Variants in SP2 observed in about 807,000 individuals in gnomAD.
SP2 encodes Sp2 transcription factor.
SP2 carries 9 observed loss-of-function variants against 50.1 expected under a neutral mutation model. That is an observed-to-expected ratio of 0.18 (90% CI 0.11 to 0.31). The LOEUF (loss-of-function observed/expected upper bound fraction) is 0.31. Ranked by LOEUF, SP2 falls within the 10% of genes least tolerant of loss-of-function variation. The pLI is 1.00. For missense variants in SP2, 581 were observed against 806.5 expected, an observed-to-expected ratio of 0.72 and a Z score of 3.39; for synonymous variants, 313 against 326.6, an observed-to-expected ratio of 0.96 and a Z score of 0.45.
intron 4 of SP2, among the ~76,000 whole-genome samples, chr17:47,923,706 C>A (rs988887356): frequency 6.6e-6 from 1 of 152,094 alleles, no homozygotes; most frequent in Non-Finnish European, 1.5e-5. Flanking sequence ...AAAAATGGCT[C>A]CTTATGTAGG....
chr17:47,921,762 A>G (rs1206777291), intron 3 of SP2, among the ~76,000 whole-genome samples: 3 of 152,142 alleles, frequency 2.0e-5, no homozygotes, highest in African/African-American at 7.2e-5. Flanking sequence ...CTATTTCTCC[A>G]AGGAGCCTGG....
intron 1 of SP2, among the ~76,000 whole-genome samples, chr17:47,911,703 G>A (rs1164130910): frequency 6.6e-6 from 1 of 151,932 alleles, no homozygotes; most frequent in Non-Finnish European, 1.5e-5. Context: ...TACTTGGGAG[G>A]CTGAGGCAGG....
At chr17:47,918,787 A>C (rs1282738589) in intron 3 of SP2, among the ~76,000 whole-genome samples, 1 of 152,170 alleles carries the variant, frequency 6.6e-6, no homozygotes, top group Non-Finnish European at 1.5e-5. Flanking sequence ...TCTATATTAG[A>C]GGTTTGCAGT....
At chr17:47,899,707 G>C (rs2034464902) in intron 1 of SP2, 1 of 152,266 alleles carries the variant, frequency 6.6e-6, no homozygotes, top group Non-Finnish European at 1.5e-5. Flanking sequence ...GGCTTCCACT[G>C]CGTGTCTAGG....
chr17:47,917,125 A>G lies in SP2; in HGVS notation c.1054A>G (p.Thr352Ala), dbSNP rs1222332300. Reference sequence around the variant, plus strand: ...GATCCAGGCAGCTGAGCCGACACCTACTCAGGTACCACACTCCCTGTACTG... The same window carrying G: ...GATCCAGGCAGCTGAGCCGACACCTGCTCAGGTACCACACTCCCTGTACTG... ...FQIQAAEPTP[T>A]QVYIRTPSGE... Residue 352 changes from threonine to alanine, a missense_variant, in exon 3 of 7, where the codon ACT (threonine) becomes GCT (alanine). Physicochemically the swap from Thr to Ala is moderately conservative, Grantham distance 58. Transcript: ENST00000376741. 3 of 1,606,464 alleles carry G rather than the reference A, an allele frequency of 1.9e-6. No homozygotes were observed. The East Asian group carries it at 6.7e-5, about 36-fold the overall frequency.
At chr17:47,903,029 T>C (rs1359304217) in intron 1 of SP2, among the ~76,000 whole-genome samples, 1 of 152,196 alleles carries the variant, frequency 6.6e-6, no homozygotes, top group Admixed American at 6.5e-5. Flanking sequence ...GTGCTGGGAT[T>C]ACAGGCGTGA....
intron 3 of SP2, among the ~76,000 whole-genome samples, chr17:47,920,901 CACCCCAAAAAGAAACTCTCT>C (rs1290589749): frequency 1.3e-5 from 2 of 152,136 alleles, no homozygotes; most frequent in Non-Finnish European, 2.9e-5. Flanking sequence ...ACATTTTCAT[CACCCCAAAAAGAAACTCTCT>C]ACCCTTTAGC....
chr17:47,916,920 C>T lies in SP2; in HGVS notation c.849C>T (p.Asn283=). 2 of 1,614,160 alleles carry T rather than the reference C, an allele frequency of 1.2e-6. No individual in the cohort carries two copies. The highest frequency in any genetic ancestry group is 8.5e-7 in the Non-Finnish European group (1 of 1,180,000). Residue 283 remains asparagine, a synonymous_variant, in exon 3 of 7, where the codon AAC becomes AAT. Transcript: ENST00000376741. The surrounding 1 kb of genome is among the most constrained non-coding windows in gnomAD (Gnocchi z 4.7). ...ACAACATCATCCAGGCAGGAAATAA[C>T]CTGCTCATTGTTCAGAGCCCTGGTG... ...TADNIIQAGN[N]LLIVQSPGGG...
rs1389644248 is a variant in SP2, at chr17:47,916,582, C to A, written c.511C>A (p.Pro171Thr). 4 of 1,614,196 alleles carry A rather than the reference C, an allele frequency of 2.5e-6. No individual in the cohort carries two copies. The East Asian group carries it at 6.7e-5, about 27-fold the overall frequency. The change falls in exon 3 of 7, where the codon CCG becomes ACG. Residue 171 changes from proline (P) to threonine (T), a missense_variant. This residue lies in a region of SP2 where 397 missense variants were observed against 491.0 expected (regional missense o/e 0.81). Coordinates refer to ENST00000376741, the MANE Select transcript of SP2 (RefSeq NM_003110.6). The surrounding 1 kb of genome is among the most constrained non-coding windows in gnomAD (Gnocchi z 4.7). The stretch of plus-strand genomic sequence containing the variant: ...CAACCAAGCCATCATCACCCCCTCA[C>A]CGTCCAGTCACAAGCCTGTCCCCAT... Reference protein sequence around the residue: ...GTNQAIITPSPSSHKPVPIKP... With the variant: ...GTNQAIITPSTSSHKPVPIKP...
intron 3 of SP2, among the ~76,000 whole-genome samples, chr17:47,919,629 G>A (rs982961601): frequency 4.0e-5 from 6 of 151,620 alleles, no homozygotes; most frequent in African/African-American, 1.5e-4. Context: ...CTACACACAA[G>A]AACATTCTAC....
At chr17:47,909,477 C>A (rs2034897345) in intron 1 of SP2, among the ~76,000 whole-genome samples, 1 of 152,034 alleles carries the variant, frequency 6.6e-6, no homozygotes, top group Non-Finnish European at 1.5e-5. Flanking sequence ...GGCTCAAACA[C>A]CTGAGCTCAA....
At chr17:47,917,685 G>A (rs1347296194) in intron 3 of SP2, 1 of 299,636 alleles carries the variant, frequency 3.3e-6, no homozygotes, top group East Asian at 1.3e-4. Flanking sequence ...GCAGTGATGC[G>A]GTCACTACAG....
At chr17:47,925,597 C>A in intron 6 of SP2, 56 bp downstream of exon 6, 1 of 1,393,602 alleles carries the variant, frequency 7.2e-7, no homozygotes, top group Non-Finnish European at 1.0e-6. Context: ...CCTGCCTCTC[C>A]TCCCACCCCC....
chr17:47,901,078 G>A lies in SP2; in HGVS notation c.7+4785G>A, dbSNP rs182420101. Among the ~76,000 whole-genome samples, 41 of 149,398 alleles carry A rather than the reference G, an allele frequency of 2.7e-4. 1 individual carries two copies. Among genetic ancestry groups the A allele is most frequent in the African/African-American group, 8.4e-4 (33 of 39,072 alleles). ...TCAGGATGCAAACTAGCAAATGACAGTCACGTTTTGGAAAGAAGAATTAAG... is the reference window on the plus strand; with the variant it reads ...TCAGGATGCAAACTAGCAAATGACAATCACGTTTTGGAAAGAAGAATTAAG... On this transcript the variant is annotated intron_variant, in intron 1 of 6. Transcript: ENST00000376741.
chr17:47,911,821 A>G (rs2035000023), intron 1 of SP2, among the ~76,000 whole-genome samples: 1 of 151,790 alleles, frequency 6.6e-6, no homozygotes, highest in Non-Finnish European at 1.5e-5. Context: ...AAAAAAAAAA[A>G]TCACAGTGAA....
chr17:47,924,795 A>G (rs2035584066), intron 4 of SP2, 124 bp from the exon 5 acceptor site: 5 of 831,004 alleles, frequency 6.0e-6, no homozygotes, highest in African/African-American at 5.1e-5. Context: ...GATATCCAAC[A>G]TACAGCAGGC....
intron 1 of SP2, 112 bp from the exon 2 acceptor site, chr17:47,915,200 C>T: frequency 1.4e-6 from 1 of 731,842 alleles, no homozygotes; most frequent in Non-Finnish European, 2.3e-6. Flanking sequence ...GCAACAAGAG[C>T]AAAAATTCCG....
At chr17:47,923,750 A>C (rs1021589821) in intron 4 of SP2, among the ~76,000 whole-genome samples, 2 of 152,050 alleles carry the variant, frequency 1.3e-5, no homozygotes, top group African/African-American at 4.8e-5. Flanking sequence ...ATCCTTAATG[A>C]ATTTTTTTTT....
At chr17:47,925,134 G>A in intron 5 of SP2, 41 bp downstream of exon 5, 1 of 1,563,232 alleles carries the variant, frequency 6.4e-7, no homozygotes, top group African/African-American at 1.3e-5. Context: ...GCTGGCCTGT[G>A]TTCCCCAAGC....
Sources: allele counts gnomAD v4.1 joint callset (sites outside exome capture counted in the v4.1 genomes callset), GRCh38; gene constraint gnomAD v4.1.1; regional missense constraint gnomAD v4.1.1; non-coding constraint Gnocchi (gnomAD v3.1); transcripts MANE v1.5; gene names NCBI Gene and HGNC (gene_info 2026-07-23, HGNC 2026-07-21).